The following HTR7 variants were observed in gnomAD, a reference collection of about 807,000 sequenced individuals.
HTR7 encodes 5-HT-7.
HTR7 carries 16 observed loss-of-function variants against 34.0 expected under a neutral mutation model. The observed-to-expected ratio is 0.47, with a 90% CI of 0.32 to 0.71. HTR7 has a LOEUF of 0.71. HTR7 is among the 30% of genes least tolerant of loss of function. HTR7 has a pLI of 0.04. For synonymous variants in HTR7, 265 were observed against 260.2 expected, an observed-to-expected ratio of 1.02 and a Z score of -0.18; for missense variants, 504 against 625.5, an observed-to-expected ratio of 0.81 and a Z score of 2.07.
At position 90,748,891 on chromosome 10, in the gene HTR7, T is replaced by C. The variant is rs1451407350; in HGVS notation, c.1243A>G (p.Met415Val). Residue 415 changes from methionine (M) to valine (V), a missense_variant, in exon 2 of 4, where the codon ATG becomes GTG. This residue lies in a region of HTR7 where 154 missense variants were observed against 212.1 expected (regional missense o/e 0.73). Transcript: ENST00000336152. ...TCAGCAAGCTTCAGGGCTTCATGCATGCCTGCAGCTGAGAGCTTCCGGTTG... is the reference window on the plus strand; with the variant it reads ...TCAGCAAGCTTCAGGGCTTCATGCACGCCTGCAGCTGAGAGCTTCCGGTTG... ...NINRKLSAAG[M>V]HEALKLAERP... The C allele has an allele frequency of 1.9e-6, 3 of 1,614,046 alleles. No homozygotes were observed. Among genetic ancestry groups the C allele is most frequent in the African/African-American group, 1.3e-5 (1 of 74,924 alleles).
At chr10:90,854,333 A>G (rs1220552481) in intron 1 of HTR7, among the ~76,000 whole-genome samples, 1 of 152,178 alleles carries the variant, frequency 6.6e-6, no homozygotes, top group African/African-American at 2.4e-5. Context: ...CAGCCTGGGT[A>G]ACAGAGTGAG....
At chr10:90,759,422 G>A (rs182522910) in intron 1 of HTR7, among the ~76,000 whole-genome samples, 165 of 151,602 alleles carry the variant, frequency 1.1e-3, no homozygotes, top group African/African-American at 3.4e-3. Context: ...TTGGGAGGCC[G>A]AGGCAGGTGG....
At chr10:90,752,431 T>C (rs1196427414) in intron 1 of HTR7, among the ~76,000 whole-genome samples, 1 of 152,100 alleles carries the variant, frequency 6.6e-6, no homozygotes, top group African/African-American at 2.4e-5. Context: ...GGAAAAAACT[T>C]GTTTTTTCAA....
intron 1 of HTR7, among the ~76,000 whole-genome samples, chr10:90,762,929 T>C (rs1273201415): frequency 6.6e-6 from 1 of 152,222 alleles, no homozygotes; most frequent in Non-Finnish European, 1.5e-5. Context: ...CCTTGTCCAT[T>C]ATAAGTTGAC....
chr10:90,798,387 T>C (rs575479540), intron 1 of HTR7, among the ~76,000 whole-genome samples: 4 of 152,278 alleles, frequency 2.6e-5, no homozygotes, highest in African/African-American at 9.6e-5. Flanking sequence ...GCAGATAGTC[T>C]GGTTAAATTG....
rs979463697 is a variant in HTR7, at chr10:90,763,578, C to A, written c.540-13984G>T. Among the ~76,000 whole-genome samples, 7 of 152,184 alleles carry A rather than the reference C, an allele frequency of 4.6e-5. No homozygotes were observed. In the East Asian group the frequency reaches 1.4e-3, roughly 29 times the overall value. ...CCCATCATCTAGGTTTTAAGGCCCA[C>A]ATGCATTAGGTATTTCTCCTAATGC... On this transcript the variant is annotated intron_variant, in intron 1 of 3. Coordinates refer to ENST00000336152, the MANE Select transcript of HTR7 (RefSeq NM_019859.4).
intron 1 of HTR7, among the ~76,000 whole-genome samples, chr10:90,815,547 G>A (rs1055581688): frequency 6.6e-6 from 1 of 152,132 alleles, no homozygotes; most frequent in African/African-American, 2.4e-5. Context: ...GTGCGGGCAG[G>A]AGAACAACAC....
chr10:90,851,148 G>T (rs915315181), intron 1 of HTR7, among the ~76,000 whole-genome samples: 2 of 151,986 alleles, frequency 1.3e-5, no homozygotes, highest in Admixed American at 6.6e-5. Flanking sequence ...TAAAAGTCAG[G>T]GTAAAAAAGA....
chr10:90,777,128 C>T (rs927589602), intron 1 of HTR7, among the ~76,000 whole-genome samples: 2 of 152,182 alleles, frequency 1.3e-5, no homozygotes, highest in African/African-American at 4.8e-5. Context: ...CTGTCAACGA[C>T]CCAAAGGACC....
intron 1 of HTR7, among the ~76,000 whole-genome samples, chr10:90,775,292 T>G (rs1448980853): frequency 2.0e-5 from 3 of 152,182 alleles, no homozygotes; most frequent in African/African-American, 7.2e-5. Flanking sequence ...CTTGGTGATT[T>G]CAGGCCGTGC....
At chr10:90,851,604 CAAAAAAA>C (rs34310653) in intron 1 of HTR7, among the ~76,000 whole-genome samples, 2 of 69,182 alleles carry the variant, frequency 2.9e-5, no homozygotes, top group African/African-American at 5.9e-5. Flanking sequence ...GACTCCGTCC[CAAAAAAA>C]AAAAAAAAAA....
At chr10:90,828,537 G>A (rs994474622) in intron 1 of HTR7, among the ~76,000 whole-genome samples, 4 of 152,050 alleles carry the variant, frequency 2.6e-5, no homozygotes, top group Non-Finnish European at 4.4e-5. Flanking sequence ...AACTGATACT[G>A]CAGAAACTCA....
chr10:90,767,160 G>A (rs1463221491), intron 1 of HTR7, among the ~76,000 whole-genome samples: 1 of 152,196 alleles, frequency 6.6e-6, no homozygotes, highest in Non-Finnish European at 1.5e-5. Context: ...AATTGAATAG[G>A]GCTACTGGAT....
At chr10:90,771,936 A>G (rs1293528449) in intron 1 of HTR7, among the ~76,000 whole-genome samples, 2 of 152,200 alleles carry the variant, frequency 1.3e-5, no homozygotes, top group African/African-American at 4.8e-5. Flanking sequence ...AATAGAGGGA[A>G]AAAAAAGTAA....
At chr10:90,781,479 C>A (rs112405562) in intron 1 of HTR7, among the ~76,000 whole-genome samples, 2,606 of 152,240 alleles carry the variant, frequency 0.017, 86 homozygotes, top group African/African-American at 0.058. Flanking sequence ...TTCATATTCC[C>A]CACAAGATCC....
At chr10:90,810,384 C>G (rs1450702339) in intron 1 of HTR7, among the ~76,000 whole-genome samples, 1 of 152,118 alleles carries the variant, frequency 6.6e-6, no homozygotes, top group African/African-American at 2.4e-5. Flanking sequence ...TCATTAAAAT[C>G]TAATCACCCT....
chr10:90,834,278 A>T (rs1239461283), intron 1 of HTR7, among the ~76,000 whole-genome samples: 1 of 152,206 alleles, frequency 6.6e-6, no homozygotes, highest in Non-Finnish European at 1.5e-5. Context: ...CCCTTGGAGT[A>T]TCCAAAGTCT....
intron 1 of HTR7, among the ~76,000 whole-genome samples, chr10:90,824,080 C>T (rs766180279): frequency 3.0e-4 from 46 of 152,340 alleles, no homozygotes; most frequent in Middle Eastern, 6.8e-3. Flanking sequence ...ATCCCCCAAT[C>T]CCAGGCAGTG....
intron 2 of HTR7, among the ~76,000 whole-genome samples, chr10:90,748,005 C>T (rs1244228697): frequency 3.3e-5 from 5 of 152,184 alleles, no homozygotes; most frequent in Non-Finnish European, 7.3e-5. Context: ...ATTTCTCTAT[C>T]ACCATCAGAT....
Sources: allele counts gnomAD v4.1 joint callset (sites outside exome capture counted in the v4.1 genomes callset), GRCh38; gene constraint gnomAD v4.1.1; regional missense constraint gnomAD v4.1.1; transcripts MANE v1.5; gene names NCBI Gene and HGNC (gene_info 2026-07-23, HGNC 2026-07-21).